Variants in PKD1L3 observed in about 807,000 individuals in gnomAD.
The protein encoded by PKD1L3 is polycystin 1 like 3, transient receptor potential channel interacting.
A neutral mutation model predicts 184.1 loss-of-function variants in PKD1L3; 239 were observed. That is an observed-to-expected ratio of 1.30 (90% confidence interval 1.17 to 1.45). The LOEUF (loss-of-function observed/expected upper bound fraction) is 1.45, where lower values mean the gene tolerates loss of function less well. Ranked by LOEUF, PKD1L3 falls within the 40% of genes most tolerant of loss-of-function variation. The probability of loss-of-function intolerance (pLI) is 0.00; values close to 1 mark genes in which losing one functional copy is unlikely to be tolerated. For missense variants in PKD1L3, 2,660 were observed against 2,067.2 expected, an observed-to-expected ratio of 1.29 and a Z score of -5.56; for synonymous variants, 996 against 778.8, an observed-to-expected ratio of 1.28 and a Z score of -4.64.
At chr16:71,995,149 G>A (rs1024470837) in intron 2 of PKD1L3, among the ~76,000 whole-genome samples, 2 of 152,132 alleles carry the variant, frequency 1.3e-5, no homozygotes, top group Non-Finnish European at 2.9e-5. Context: ...CTGGCACTTG[G>A]AGTTGGGGGA....
chr16:71,933,894 G>GCCCC (rs1281445174), intron 27 of PKD1L3, 21 bp downstream of exon 27: 7 of 1,547,492 alleles, frequency 4.5e-6, no homozygotes, highest in Non-Finnish European at 6.1e-6. Flanking sequence ...GAGAAGGAGA[G>GCCCC]ACAGCAACGT....
chr16:71,929,853 A>C, intron 29 of PKD1L3, 175 bp from the exon 30 acceptor site: 1 of 953,476 alleles, frequency 1.0e-6, no homozygotes, highest in Non-Finnish European at 1.5e-6. Context: ...CCAACTATTT[A>C]TAGGACAATG....
chr16:71,976,262 G>GTTTTTTTTTTTTT (rs1567534640), intron 11 of PKD1L3, among the ~76,000 whole-genome samples: 7 of 25,202 alleles, frequency 2.8e-4, no homozygotes, highest in Admixed American at 4.7e-4. Flanking sequence ...TGCCCAGCCT[G>GTTTTTTTTTTTTT]TCTTTTTTTT....
At chr16:71,990,717 G>A (rs530760404) in intron 3 of PKD1L3, among the ~76,000 whole-genome samples, 3 of 151,938 alleles carry the variant, frequency 2.0e-5, no homozygotes, top group African/African-American at 7.3e-5. Context: ...CTGGGCAACA[G>A]AGCTAGATTC....
chr16:71,959,181 G>A (rs1279324393), intron 16 of PKD1L3, among the ~76,000 whole-genome samples: 1 of 151,884 alleles, frequency 6.6e-6, no homozygotes, highest in Non-Finnish European at 1.5e-5. Flanking sequence ...GGAGGCCAAG[G>A]TGGGTGGATC....
At position 71,982,171 on chromosome 16, in the gene PKD1L3, T is replaced by C. The variant is rs186484429; in HGVS notation, c.1031A>G (p.Asn344Ser). The C allele has an allele frequency of 6.4e-7, 1 of 1,551,278 alleles. No individual in the cohort carries two copies. The highest frequency in any genetic ancestry group is 8.7e-7 in the Non-Finnish European group (1 of 1,146,684). Residue 344 changes from asparagine (N) to serine (S), a missense_variant, in exon 7 of 30, where the codon AAC becomes AGC. By Grantham distance (46) the Asn-to-Ser change is conservative. Coordinates refer to ENST00000620267, the MANE Select transcript of PKD1L3 (RefSeq NM_181536.2). ...AGGAACTTTGAAGCCCAGACTGTTGTTGTTCTGAAATGGGATCCTGAGTAA... is the reference window on the plus strand; with the variant it reads ...AGGAACTTTGAAGCCCAGACTGTTGCTGTTCTGAAATGGGATCCTGAGTAA... Reference protein sequence around the residue: ...EELLRIPFQNNNSLGFKVPPT... With the variant: ...EELLRIPFQNSNSLGFKVPPT...
chr16:71,948,716 C>G (rs537759683), intron 21 of PKD1L3, among the ~76,000 whole-genome samples: 9 of 142,118 alleles, frequency 6.3e-5, no homozygotes, highest in Non-Finnish European at 1.2e-4. Context: ...TTTTATTGGA[C>G]TAGTGAAACT....
chr16:71,933,908 G>T lies in PKD1L3; in HGVS notation c.4824+7C>A. ...GGAGAAGGAGAGACAGCAACGTGGG[G>T]GCTTACGGCAATGGCATAGCCTGTC... On this transcript the variant is annotated splice_region_variant and intron_variant, in intron 27 of 29. Coordinates refer to ENST00000620267, the MANE Select transcript of PKD1L3 (RefSeq NM_181536.2). 1 of 1,550,294 alleles carries T rather than the reference G, an allele frequency of 6.5e-7. No individual in the cohort carries two copies. The highest frequency in any genetic ancestry group is 1.2e-5 in the South Asian group (1 of 84,032).
chr16:71,977,099 G>C (rs1453505137), intron 11 of PKD1L3, 137 bp downstream of exon 11: 2 of 691,476 alleles, frequency 2.9e-6, no homozygotes, highest in Admixed American at 2.7e-5. Flanking sequence ...TGTAGTCCCA[G>C]CTACTTAAGA....
rs1192298658 is a variant in PKD1L3, at chr16:71,998,301, A to C, written c.389T>G (p.Leu130Ter). 6.4e-7 allele frequency: 1 copy of C among 1,552,142 alleles called. No individual in the cohort carries two copies. The highest frequency in any genetic ancestry group is 8.7e-7 in the Non-Finnish European group (1 of 1,147,094). ...CTGGCAAATGAAATAGTATTTCAGT[A>C]AGCACTTGTCCCCTTTGGATGAGAT... ...IRISSKGDKC[L>*]LKYYFICQTG... is the part of the protein sequence containing the mutation. The change falls in exon 2 of 30, where the codon TTA (leucine) becomes TGA (stop). Residue 130 changes from leucine (L) to a stop codon, truncating the protein, a stop_gained. Coordinates refer to ENST00000620267, the MANE Select transcript of PKD1L3 (RefSeq NM_181536.2). LOFTEE classifies it high-confidence loss of function.
chr16:71,937,284 T>G lies in PKD1L3; in HGVS notation c.4452+8A>C. On this transcript the variant is annotated splice_region_variant and intron_variant, in intron 25 of 29. Transcript: ENST00000620267. Reference sequence around the variant, plus strand: ...TGCCCAGGCTGACATCTAACATTATTGACTCACCTGTATGAAGGCATAGTA... The same window carrying G: ...TGCCCAGGCTGACATCTAACATTATGGACTCACCTGTATGAAGGCATAGTA... 6.5e-7 allele frequency: 1 copy of G among 1,549,142 alleles called. No individual in the cohort carries two copies.
At chr16:71,997,419 C>G (rs1002553706) in intron 2 of PKD1L3, among the ~76,000 whole-genome samples, 67 of 151,518 alleles carry the variant, frequency 4.4e-4, no homozygotes, top group Middle Eastern at 3.4e-3. Flanking sequence ...AGACCCCCCC[C>G]CCCACAACCA....
intron 2 of PKD1L3, among the ~76,000 whole-genome samples, chr16:71,993,900 G>T (rs939763815): frequency 2.0e-5 from 3 of 152,008 alleles, no homozygotes; most frequent in African/African-American, 7.2e-5. Flanking sequence ...TCAGCCTCCC[G>T]AGTAGCTGGG....
intron 9 of PKD1L3, 24 bp downstream of exon 9, chr16:71,979,762 G>T: frequency 6.8e-7 from 1 of 1,476,040 alleles, no homozygotes; most frequent in South Asian, 1.4e-5. Context: ...TTTTCATTCT[G>T]ATCACAATCA....
Position 71,986,374 on chromosome 16 carries a change from C to G in PKD1L3, c.681G>C (p.Gln227His), listed in dbSNP as rs148277268. 1,488 of 1,551,230 alleles carry G rather than the reference C, an allele frequency of 9.6e-4. 3 individuals are homozygous for G. Among genetic ancestry groups the G allele is most frequent in the Non-Finnish European group, 1.2e-3 (1,421 of 1,146,476 alleles). ...TGAGCTGTGTTATCACAGGGAGAGG[C>G]TGGCTGCTGGGTTCAGATGCGGCTG... Reference protein sequence around the residue: ...VTSAASEPSSQPLPVITQLTM... With the variant: ...VTSAASEPSSHPLPVITQLTM... The change falls in exon 5 of 30, where the codon CAG becomes CAC. Residue 227 changes from glutamine (Q) to histidine (H), a missense_variant. Physicochemically the swap from Gln to His is conservative, Grantham distance 24 (BLOSUM62 0). Transcript: ENST00000620267.
At chr16:71,942,018 A>G (rs932212341) in intron 24 of PKD1L3, among the ~76,000 whole-genome samples, 3 of 151,918 alleles carry the variant, frequency 2.0e-5, no homozygotes, top group African/African-American at 7.3e-5. Context: ...ATGGAGCTAC[A>G]CTTTTCAAAA....
At chr16:71,983,389 C>T (rs1022351427) in intron 6 of PKD1L3, among the ~76,000 whole-genome samples, 9 of 152,014 alleles carry the variant, frequency 5.9e-5, no homozygotes, top group Admixed American at 2.6e-4. Context: ...TCAAGCTATC[C>T]GCCTGATTCA....
intron 15 of PKD1L3, among the ~76,000 whole-genome samples, chr16:71,964,893 C>T (rs1248828803): frequency 6.8e-6 from 1 of 148,130 alleles, no homozygotes; most frequent in East Asian, 2.0e-4. Context: ...GTTGCCCAGG[C>T]TGGAGTGCAG....
intron 22 of PKD1L3, among the ~76,000 whole-genome samples, chr16:71,945,626 C>A (rs899565065): frequency 1.1e-4 from 17 of 151,286 alleles, no homozygotes; most frequent in African/African-American, 4.1e-4. Context: ...TGCAGTGAGC[C>A]GAGATTGTGC....
Sources: gnomAD v4.1 joint callset for allele counts (sites outside exome capture counted in the v4.1 genomes callset) on GRCh38, gnomAD v4.1.1 for gene constraint, MANE v1.5 for transcripts, NCBI Gene and HGNC (gene_info 2026-07-23, HGNC 2026-07-21) for gene names.